The following TMEFF2 variants were observed in gnomAD, a reference collection of about 807,000 sequenced individuals.
The protein encoded by TMEFF2 is transmembrane protein with EGF like and two follistatin like domains 2.
A neutral mutation model predicts 53.8 loss-of-function variants in TMEFF2; 28 were observed. That is an observed-to-expected ratio of 0.52 (90% CI 0.39 to 0.71). The LOEUF is 0.71. Among genes scored for constraint, TMEFF2 ranks in the 30% least tolerant of loss-of-function variants. The pLI is 0.00. For missense variants in TMEFF2, 353 were observed against 455.2 expected (o/e 0.78, Z 2.04); for synonymous variants, 162 against 166.3 (o/e 0.97, Z 0.20).
chr2:191,994,953 A>G (rs1686188177), intron 7 of TMEFF2, among the ~76,000 whole-genome samples: 1 of 152,010 alleles, frequency 6.6e-6, no homozygotes. Flanking sequence ...TCCAAATCAA[A>G]TGCAACCAGA....
chr2:191,971,560 T>A, intron 7 of TMEFF2, among the ~76,000 whole-genome samples: 1 of 152,342 alleles, frequency 6.6e-6, no homozygotes, highest in Non-Finnish European at 1.5e-5. Flanking sequence ...TGTTTCTTGA[T>A]GTGTGACTAT....
chr2:191,992,701 T>G (rs772810554), intron 7 of TMEFF2: 35 of 152,106 alleles, frequency 2.3e-4, no homozygotes, highest in Non-Finnish European at 4.6e-4. Context: ...GCAGGATTAC[T>G]CAGTAGCAAA....
intron 4 of TMEFF2, among the ~76,000 whole-genome samples, chr2:192,138,788 A>C (rs1463460660): frequency 6.6e-6 from 1 of 152,212 alleles, no homozygotes; most frequent in Non-Finnish European, 1.5e-5. Context: ...ATCTGAAATA[A>C]TGGAAACTTA....
chr2:192,070,805 A>T (rs575610250), intron 4 of TMEFF2, among the ~76,000 whole-genome samples: 1 of 152,024 alleles, frequency 6.6e-6, no homozygotes, highest in Admixed American at 6.6e-5. Context: ...GAGTCTGAGG[A>T]CTATGGGGCC....
intron 5 of TMEFF2, among the ~76,000 whole-genome samples, chr2:192,039,700 C>T (rs1262702911): frequency 1.3e-5 from 2 of 152,182 alleles, no homozygotes; most frequent in East Asian, 1.9e-4. Context: ...CATCTCAGGA[C>T]ACCAGGCATT....
At chr2:192,033,810 C>G (rs1186365748) in intron 5 of TMEFF2, among the ~76,000 whole-genome samples, 1 of 152,104 alleles carries the variant, frequency 6.6e-6, no homozygotes, top group African/African-American at 2.4e-5. Context: ...GGTAACAAGG[C>G]CTTTTGTTAG....
intron 3 of TMEFF2, among the ~76,000 whole-genome samples, chr2:192,182,077 C>T (rs1040816352): frequency 5.9e-5 from 9 of 151,720 alleles, no homozygotes; most frequent in South Asian, 4.1e-4. Flanking sequence ...GTTAAATTGA[C>T]GGTAAGACCA....
At chr2:192,034,174 C>CAA (rs5837274) in intron 5 of TMEFF2, among the ~76,000 whole-genome samples, 3,466 of 105,140 alleles carry the variant, frequency 0.033, 104 homozygotes, top group African/African-American at 0.065. Context: ...GACTCCATTT[C>CAA]AAAAAAAAAA....
rs572119631 is a variant in TMEFF2 at position 192,098,307 on chromosome 2, T to G, written c.440-40532A>C. Among the ~76,000 whole-genome samples, 8 of 152,306 alleles carry G rather than the reference T, an allele frequency of 5.3e-5. No homozygotes were observed. The South Asian group carries it at 1.0e-3, about 20-fold the overall frequency. ...TTGAAAAAGAATATTTAAAATTATG[T>G]GTGTTTAATATTTGAACATGTTTGG... On this transcript the variant is annotated intron_variant, in intron 4 of 9. Coordinates refer to ENST00000272771, the MANE Select transcript of TMEFF2 (RefSeq NM_016192.4).
chr2:192,168,957 G>A (rs1389461020), intron 4 of TMEFF2, among the ~76,000 whole-genome samples: 1 of 151,876 alleles, frequency 6.6e-6, no homozygotes, highest in African/African-American at 2.4e-5. Context: ...GGCCTCAAGC[G>A]ATCCTCCCAC....
chr2:192,115,855 G>A lies in TMEFF2; in HGVS notation c.440-58080C>T, dbSNP rs111253319. The stretch of plus-strand genomic sequence containing the variant: ...AAAGATAAGTGTTGCCAGGGATGTG[G>A]GGAAAAGGGAACTCTTATAGACTGT... On this transcript the variant is annotated intron_variant, in intron 4 of 9. Coordinates refer to ENST00000272771, the MANE Select transcript of TMEFF2 (RefSeq NM_016192.4). 5.3e-5 allele frequency among the ~76,000 whole-genome samples: 8 copies of A among 152,100 alleles called. 1 individual carries two copies. The highest frequency in any genetic ancestry group is 6.8e-3 in the Middle Eastern group (2 of 294).
chr2:192,129,879 T>C (rs1217535459), intron 4 of TMEFF2, among the ~76,000 whole-genome samples: 1 of 152,240 alleles, frequency 6.6e-6, no homozygotes, highest in African/African-American at 2.4e-5. Context: ...TTGTATTTCT[T>C]ACCGCAGTTT....
chr2:191,958,245 T>C (rs1692165249), intron 7 of TMEFF2, among the ~76,000 whole-genome samples: 1 of 152,180 alleles, frequency 6.6e-6, no homozygotes, highest in Non-Finnish European at 1.5e-5. Flanking sequence ...GCTCTGATTT[T>C]CACTTTTATT....
chr2:192,003,348 T>G (rs1686413634), intron 5 of TMEFF2, among the ~76,000 whole-genome samples: 1 of 152,116 alleles, frequency 6.6e-6, no homozygotes, highest in Non-Finnish European at 1.5e-5. Flanking sequence ...ATACTGAAAG[T>G]ACAAAGAAAG....
At chr2:192,103,366 A>T (rs1488528497) in intron 4 of TMEFF2, among the ~76,000 whole-genome samples, 1 of 151,830 alleles carries the variant, frequency 6.6e-6, no homozygotes, top group Admixed American at 6.6e-5. Context: ...TCCTGTTCAC[A>T]CCTCTGCTTG....
At position 192,179,614 on chromosome 2, in the gene TMEFF2, T is replaced by C. The variant is rs757915584; in HGVS notation, c.439+54A>G. On this transcript the variant is annotated intron_variant, in intron 4 of 9. Transcript: ENST00000272771. ...GAAATGGAACATACATAAGTAAATA[T>C]ACATAATAATATCCACCAGTAAATC... The C allele has an allele frequency of 3.3e-6, 5 of 1,511,088 alleles. No homozygotes were observed. In the South Asian group the frequency reaches 5.2e-5, roughly 16 times the overall value. 93.6% of individuals were successfully genotyped at this position (1,511,088 alleles called of 1,614,324 possible).
At chr2:192,000,656 G>A (rs948902668) in intron 5 of TMEFF2, among the ~76,000 whole-genome samples, 2 of 152,108 alleles carry the variant, frequency 1.3e-5, no homozygotes, top group African/African-American at 4.8e-5. Flanking sequence ...GAGAGGCTTT[G>A]TATACACACC....
chr2:192,135,593 C>T (rs1005113343), intron 4 of TMEFF2, among the ~76,000 whole-genome samples: 2 of 152,074 alleles, frequency 1.3e-5, no homozygotes, highest in African/African-American at 4.8e-5. Context: ...CGTCCATTCT[C>T]TCTCCATACC....
chr2:192,173,176 A>G (rs1234642605), intron 4 of TMEFF2, among the ~76,000 whole-genome samples: 1 of 151,910 alleles, frequency 6.6e-6, no homozygotes, highest in Non-Finnish European at 1.5e-5. Context: ...TAATAAATGC[A>G]TAAGGTGATG....
Sources: gnomAD v4.1 joint callset for allele counts (sites outside exome capture counted in the v4.1 genomes callset) on GRCh38, gnomAD v4.1.1 for gene constraint, MANE v1.5 for transcripts, NCBI Gene and HGNC (gene_info 2026-07-23, HGNC 2026-07-21) for gene names.